Variants in PTK2B observed in about 807,000 individuals in gnomAD.
PTK2B encodes protein tyrosine kinase 2 beta.
A neutral mutation model predicts 142.9 loss-of-function variants in PTK2B; 71 were observed. The observed-to-expected ratio is 0.50, with a 90% CI of 0.41 to 0.61. PTK2B has a LOEUF of 0.61. Among genes scored for constraint, PTK2B ranks in the 20% least tolerant of loss-of-function variants. PTK2B has a pLI of 0.00. For synonymous variants in PTK2B, 519 were observed against 503.4 expected (o/e 1.03, Z -0.42); for missense variants, 1,105 against 1,320.4 (o/e 0.84, Z 2.53).
rs375830835 is a variant in PTK2B at position 27,439,418 on chromosome 8, G to C, written c.1834+20G>C. ...TGTTCGGTGAGTGCTGATTTGGGAG[G>C]GCATGAAAAGGTGTTCAGATTCTCA... On this transcript the variant is annotated intron_variant, in intron 20 of 30. Coordinates refer to ENST00000346049, the MANE Select transcript of PTK2B (RefSeq NM_173176.3). 3.1e-5 allele frequency: 50 copies of C among 1,599,688 alleles called. No homozygotes were observed. The highest frequency in any genetic ancestry group is 4.0e-5 in the African/African-American group (3 of 74,570).
intron 2 of PTK2B, among the ~76,000 whole-genome samples, chr8:27,414,116 C>T (rs1411737996): frequency 6.6e-6 from 1 of 152,224 alleles, no homozygotes; most frequent in Non-Finnish European, 1.5e-5. Context: ...GTTCCAGGCA[C>T]ATCTTGTACT....
intron 22 of PTK2B, among the ~76,000 whole-genome samples, chr8:27,443,330 T>C (rs1007746894): frequency 5.3e-5 from 8 of 152,222 alleles, no homozygotes; most frequent in Non-Finnish European, 1.0e-4. Flanking sequence ...CCTACATCTA[T>C]ACCCCGCATG....
chr8:27,360,587 T>C (rs1805639938), intron 1 of PTK2B, among the ~76,000 whole-genome samples: 1 of 148,736 alleles, frequency 6.7e-6, no homozygotes, highest in Non-Finnish European at 1.5e-5. Context: ...AGCTGGCTCC[T>C]GAACCGGTGG....
intron 24 of PTK2B, among the ~76,000 whole-genome samples, 180 bp from the exon 25 acceptor site, chr8:27,450,569 G>A (rs1303964064): frequency 6.6e-6 from 1 of 152,162 alleles, no homozygotes; most frequent in African/African-American, 2.4e-5. Context: ...CATGCTCGGG[G>A]CTGATACTGG....
intron 3 of PTK2B, among the ~76,000 whole-genome samples, chr8:27,316,737 T>C (rs1018496214): frequency 3.3e-5 from 5 of 152,222 alleles, no homozygotes; most frequent in Non-Finnish European, 7.3e-5. Flanking sequence ...GAGCTCTCAG[T>C]TGATCTGAAT....
intron 2 of PTK2B, among the ~76,000 whole-genome samples, chr8:27,404,361 CCT>C (rs2131542510): frequency 6.6e-6 from 1 of 152,252 alleles, no homozygotes; most frequent in Non-Finnish European, 1.5e-5. Flanking sequence ...CCGATGGAGT[CCT>C]CTCTCTCAGC....
chr8:27,407,059 G>C (rs1337932771), intron 2 of PTK2B, among the ~76,000 whole-genome samples: 6 of 152,032 alleles, frequency 3.9e-5, no homozygotes, highest in Non-Finnish European at 8.8e-5. Flanking sequence ...ACGGTTTATG[G>C]GTAAATCAGA....
chr8:27,428,405 C>T (rs1199030664), intron 5 of PTK2B, among the ~76,000 whole-genome samples: 1 of 152,194 alleles, frequency 6.6e-6, no homozygotes, highest in Non-Finnish European at 1.5e-5. Context: ...TTTCCAATAC[C>T]GCACATCTGC....
intron 5 of PTK2B, among the ~76,000 whole-genome samples, chr8:27,425,888 A>G (rs1453274422): frequency 6.6e-6 from 1 of 152,182 alleles, no homozygotes; most frequent in Non-Finnish European, 1.5e-5. Flanking sequence ...AATTTTATTC[A>G]TTTATTGGAG....
At chr8:27,388,390 A>G (rs1161291337) in intron 1 of PTK2B, among the ~76,000 whole-genome samples, 1 of 152,164 alleles carries the variant, frequency 6.6e-6, no homozygotes, top group African/African-American at 2.4e-5. Flanking sequence ...TGAAAATAAC[A>G]ACTTTCAGAG....
chr8:27,405,069 T>TCTCTCTCTCTCTCTCTCTCTCTCTCTCTC (rs1470616137), intron 2 of PTK2B, among the ~76,000 whole-genome samples: 9 of 144,030 alleles, frequency 6.2e-5, no homozygotes, highest in Non-Finnish European at 9.1e-5. Flanking sequence ...TCTCTCTCTC[T>TCTCTCTCTCTCTCTCTCTCTCTCTCTCTC]TAGCCATGTG....
intron 30 of PTK2B, among the ~76,000 whole-genome samples, chr8:27,457,158 A>G (rs186298641): frequency 2.6e-5 from 4 of 152,348 alleles, no homozygotes; most frequent in East Asian, 3.9e-4. Context: ...TAGGACTTTC[A>G]TAGCTAGAGG....
At chr8:27,372,914 A>G (rs1806445836) in intron 1 of PTK2B, among the ~76,000 whole-genome samples, 1 of 152,120 alleles carries the variant, frequency 6.6e-6, no homozygotes, top group Non-Finnish European at 1.5e-5. Flanking sequence ...ACAAAGTCTA[A>G]ATTTCCACAT....
At chr8:27,448,625 G>C (rs941636791) in intron 24 of PTK2B, among the ~76,000 whole-genome samples, 6 of 152,184 alleles carry the variant, frequency 3.9e-5, no homozygotes, top group Non-Finnish European at 8.8e-5. Flanking sequence ...AATACTTGTA[G>C]AATTTTCTTG....
At chr8:27,422,035 G>T (rs1809786432) in intron 4 of PTK2B, among the ~76,000 whole-genome samples, 1 of 152,188 alleles carries the variant, frequency 6.6e-6, no homozygotes, top group African/African-American at 2.4e-5. Context: ...TCCAAAATGG[G>T]GGGCAGGGGA....
At chr8:27,445,756 T>C (rs777611940) in intron 23 of PTK2B, 38 bp from the exon 24 acceptor site, 12 of 1,610,778 alleles carry the variant, frequency 7.4e-6, no homozygotes, top group Non-Finnish European at 2.5e-6. Flanking sequence ...CTTCTCGCTT[T>C]GTCCCGTGCC....
intron 13 of PTK2B, among the ~76,000 whole-genome samples, chr8:27,435,148 C>T (rs1048684345): frequency 6.6e-6 from 1 of 152,208 alleles, no homozygotes; most frequent in Non-Finnish European, 1.5e-5. Flanking sequence ...GGCTGGAAGT[C>T]CAAGATCAAG....
intron 5 of PTK2B, among the ~76,000 whole-genome samples, chr8:27,429,535 CT>C (rs1380028788): frequency 2.6e-5 from 4 of 152,160 alleles, no homozygotes; most frequent in Non-Finnish European, 5.9e-5. Flanking sequence ...GGAAATGAGA[CT>C]TAAATAATAT....
chr8:27,435,549 G>A (rs1189322166), intron 13 of PTK2B, among the ~76,000 whole-genome samples, 194 bp from the exon 14 acceptor site: 2 of 152,226 alleles, frequency 1.3e-5, no homozygotes, highest in Non-Finnish European at 2.9e-5. Context: ...GAAGCAGAGA[G>A]CAGGGAGTTC....
Sources: allele counts gnomAD v4.1 joint callset (sites outside exome capture counted in the v4.1 genomes callset), GRCh38; gene constraint gnomAD v4.1.1; transcripts MANE v1.5; gene names NCBI Gene and HGNC (gene_info 2026-07-23, HGNC 2026-07-21).